The following POGLUT3 variants were observed in gnomAD, a reference collection of about 807,000 sequenced individuals.
POGLUT3 encodes protein O-glucosyltransferase 3.
POGLUT3 carries 48 observed loss-of-function variants against 54.3 expected under a neutral mutation model. That is an observed-to-expected ratio of 0.88 (90% CI 0.70 to 1.12). The LOEUF (loss-of-function observed/expected upper bound fraction) is 1.12, where lower values mean the gene tolerates loss of function less well. POGLUT3 is among the 50% of genes most tolerant of loss of function. The probability of loss-of-function intolerance (pLI) is 0.00; values close to 1 mark genes in which losing one functional copy is unlikely to be tolerated. For synonymous variants in POGLUT3, 218 were observed against 237.4 expected, an observed-to-expected ratio of 0.92 and a Z score of 0.75; for missense variants, 629 against 618.7, an observed-to-expected ratio of 1.02 and a Z score of -0.18.
intron 7 of POGLUT3, among the ~76,000 whole-genome samples, chr11:108,476,952 G>GA (rs1350568996): frequency 6.6e-6 from 1 of 152,048 alleles, no homozygotes; most frequent in African/African-American, 2.4e-5. Context: ...TTCCAAATAA[G>GA]AAAAAATGTT....
chr11:108,476,948 A>G (rs747548142), intron 7 of POGLUT3, among the ~76,000 whole-genome samples: 1 of 152,190 alleles, frequency 6.6e-6, no homozygotes, highest in Non-Finnish European at 1.5e-5. Context: ...TGTTTTCCAA[A>G]TAAGAAAAAA....
intron 3 of POGLUT3, among the ~76,000 whole-genome samples, chr11:108,485,636 T>TTTTATTTATTTA (rs34832849): frequency 0.014 from 1,960 of 140,382 alleles, 17 homozygotes; most frequent in South Asian, 0.024. Flanking sequence ...CTTTATTCTA[T>TTTTATTTATTTA]TTTATTTATT....
intron 1 of POGLUT3, among the ~76,000 whole-genome samples, chr11:108,493,070 A>C (rs982088587): frequency 6.6e-6 from 1 of 152,210 alleles, no homozygotes; most frequent in African/African-American, 2.4e-5. Context: ...TAAACAAAAC[A>C]GTTATAAGAC....
chr11:108,474,939 C>CG lies in POGLUT3; in HGVS notation c.1411dup (p.Arg471ProfsTer10). On this transcript the variant is annotated frameshift_variant, in exon 8 of 8. Coordinates refer to ENST00000323468, the MANE Select transcript of POGLUT3 (RefSeq NM_153705.5). LOFTEE classifies it high-confidence loss of function. The stretch of plus-strand genomic sequence containing the variant: ...ACGTACTTCGGGTTTGCTGGACTGG[C>CG]GCTCGGCATATTTCTGAAACGTGGG... The CG allele has an allele frequency of 6.2e-7, 1 of 1,613,884 alleles. No individual in the cohort carries two copies. The highest frequency in any genetic ancestry group is 8.5e-7 in the Non-Finnish European group (1 of 1,179,900).
In POGLUT3 at chr11:108,474,664, G is replaced by C; in HGVS notation, c.*163C>G. 4.9e-6 allele frequency: 3 copies of C among 610,342 alleles called. No homozygotes were observed. Among genetic ancestry groups the C allele is most frequent in the Non-Finnish European group, 8.0e-6 (3 of 375,492 alleles). The allele number at this position is 610,342 out of a possible 1,614,324, so 37.8% of individuals were successfully genotyped here. A position where few individuals can be genotyped will look rare whatever the true frequency, so the allele number is the denominator to read the frequency against. Reference sequence around the variant, plus strand: ...AACACTCCTGGTCCTAAGCATTTCAGATGAGGGATACTCAACCAGTACTGC... The same window carrying C: ...AACACTCCTGGTCCTAAGCATTTCACATGAGGGATACTCAACCAGTACTGC... On this transcript the variant is annotated 3_prime_UTR_variant, in exon 8 of 8. Transcript: ENST00000323468.
chr11:108,491,691 G>A (rs976871777), intron 1 of POGLUT3, among the ~76,000 whole-genome samples: 7 of 152,064 alleles, frequency 4.6e-5, no homozygotes, highest in African/African-American at 1.4e-4. Context: ...GCTTGGTCTG[G>A]TTCATGTATT....
At chr11:108,475,067 G>T in intron 7 of POGLUT3, 115 bp from the exon 8 acceptor site, 1 of 1,081,858 alleles carries the variant, frequency 9.2e-7, no homozygotes, top group Non-Finnish European at 1.4e-6. Context: ...TGTGTCTGCA[G>T]ACTAAAACCA....
Position 108,491,136 on chromosome 11 carries a change from A to T in POGLUT3, c.234T>A (p.Ser78=). Residue 78 remains serine, a synonymous_variant, in exon 2 of 8, where the codon TCT becomes TCA. Transcript: ENST00000323468. ...TCCGGACCAACTCTTTAGGTGAAAGAGATTTGACTACGACTTTGAATGGTG... is the reference window on the plus strand; with the variant it reads ...TCCGGACCAACTCTTTAGGTGAAAGTGATTTGACTACGACTTTGAATGGTG... The part of the protein sequence containing the change: ...GETPFKVVVK[S]LSPKELVRIH... 6.2e-7 allele frequency: 1 copy of T among 1,612,260 alleles called. No individual in the cohort carries two copies. The highest frequency in any genetic ancestry group is 1.7e-5 in the Admixed American group (1 of 59,980).
chr11:108,486,048 C>T (rs963239665), intron 3 of POGLUT3, 109 bp downstream of exon 3: 2 of 838,788 alleles, frequency 2.4e-6, no homozygotes, highest in African/African-American at 1.7e-5. Context: ...ATCTTAGATG[C>T]CCATTTCTCA....
intron 2 of POGLUT3, among the ~76,000 whole-genome samples, chr11:108,488,821 C>G (rs2135859703): frequency 6.6e-6 from 1 of 152,042 alleles, no homozygotes; most frequent in East Asian, 1.9e-4. Flanking sequence ...TTGGGGAAGA[C>G]AGGGGAAGAA....
intron 2 of POGLUT3, among the ~76,000 whole-genome samples, chr11:108,487,621 T>C (rs1419863429): frequency 1.3e-5 from 2 of 151,934 alleles, no homozygotes. Context: ...GGGGACAGAG[T>C]CTCACACTGG....
At chr11:108,494,973 C>T (rs2093619658) in intron 1 of POGLUT3, among the ~76,000 whole-genome samples, 1 of 152,118 alleles carries the variant, frequency 6.6e-6, no homozygotes, top group Non-Finnish European at 1.5e-5. Flanking sequence ...AGTTCTTCCC[C>T]CCACCCAAGG....
In POGLUT3 at chr11:108,479,312, T is replaced by A; in HGVS notation, c.1282A>T (p.Lys428Ter). Residue 428 changes from lysine to a stop codon, truncating the protein, a stop_gained, in exon 6 of 8, where the codon AAA becomes TAA. Coordinates refer to ENST00000323468, the MANE Select transcript of POGLUT3 (RefSeq NM_153705.5). LOFTEE classifies it high-confidence loss of function. ...RNLSDLLEKV[K>*]WAKENDEEAK... Reference sequence around the variant, plus strand: ...TGCTGGACGCATACCTTAGCCCATTTAACTTTCTCTAATAAATCACTCAGA... The same window carrying A: ...TGCTGGACGCATACCTTAGCCCATTAAACTTTCTCTAATAAATCACTCAGA... 1 of 1,609,076 alleles carries A rather than the reference T, an allele frequency of 6.2e-7. No homozygotes were observed. The highest frequency in any genetic ancestry group is 8.5e-7 in the Non-Finnish European group (1 of 1,178,870).
At position 108,482,204 on chromosome 11, in the gene POGLUT3, C is replaced by A; in HGVS notation, c.703G>T (p.Glu235Ter). 6.2e-7 allele frequency: 1 copy of A among 1,613,534 alleles called. No individual in the cohort carries two copies. The highest frequency in any genetic ancestry group is 1.1e-5 in the South Asian group (1 of 91,032). Reference sequence around the variant, plus strand: ...CAATCTCCAAGATTAACATAAAATTCTAAATCTGGGAGAAGGACCTAAATA... The same window carrying A: ...CAATCTCCAAGATTAACATAAAATTATAAATCTGGGAGAAGGACCTAAATA... ...LTRKVLLPDLEFYVNLGDWPL... is the reference protein window; with the variant it reads ...LTRKVLLPDL The change falls in exon 4 of 8, where the codon GAA becomes TAA. Residue 235 changes from glutamate (E) to a stop codon, truncating the protein, a stop_gained. Coordinates refer to ENST00000323468, the MANE Select transcript of POGLUT3 (RefSeq NM_153705.5). LOFTEE classifies it high-confidence loss of function.
In POGLUT3 at chr11:108,498,292, C is replaced by T. The variant is rs779694251; in HGVS notation, c.75G>A (p.Val25=). 4.0e-5 allele frequency: 59 copies of T among 1,475,442 alleles called. No individual in the cohort carries two copies. Among genetic ancestry groups the T allele is most frequent in the Non-Finnish European group, 5.3e-5 (59 of 1,111,398 alleles). 91.4% of individuals were successfully genotyped at this position (1,475,442 alleles called of 1,614,324 possible). A position where few individuals can be genotyped will look rare whatever the true frequency, so the allele number is the denominator to read the frequency against. Residue 25 remains valine (V), a synonymous_variant, in exon 1 of 8, where the codon GTG becomes GTA. Transcript: ENST00000323468. ...CCAGGCTCCGCGGCGCGCTGACCAGCACCTCCGGGGCCCCCGCGGCCACCA... is the reference window on the plus strand; with the variant it reads ...CCAGGCTCCGCGGCGCGCTGACCAGTACCTCCGGGGCCCCCGCGGCCACCA... The part of the protein sequence containing the change: ...ALLVAAGAPE[V]LVSAPRSLVW...
chr11:108,484,457 T>C (rs1053984219), intron 3 of POGLUT3, among the ~76,000 whole-genome samples: 2 of 152,114 alleles, frequency 1.3e-5, no homozygotes, highest in Non-Finnish European at 2.9e-5. Context: ...TCAGGAAAAC[T>C]GTGTTTTTTT....
At chr11:108,489,309 G>A (rs2093609032) in intron 2 of POGLUT3, among the ~76,000 whole-genome samples, 1 of 152,104 alleles carries the variant, frequency 6.6e-6, no homozygotes, top group Non-Finnish European at 1.5e-5. Context: ...CATATTTGAA[G>A]CAATAATGGC....
chr11:108,495,803 T>A (rs1473446347), intron 1 of POGLUT3, among the ~76,000 whole-genome samples: 1 of 152,064 alleles, frequency 6.6e-6, no homozygotes, highest in Non-Finnish European at 1.5e-5. Flanking sequence ...ATTTTTAAAA[T>A]TTTTATTTTA....
At chr11:108,475,744 C>G in intron 7 of POGLUT3, among the ~76,000 whole-genome samples, 1 of 152,122 alleles carries the variant, frequency 6.6e-6, no homozygotes. Context: ...GCTGGGACTA[C>G]AGGCATGAGC....
Sources: allele counts gnomAD v4.1 joint callset (sites outside exome capture counted in the v4.1 genomes callset), GRCh38; gene constraint gnomAD v4.1.1; transcripts MANE v1.5; gene names NCBI Gene and HGNC (gene_info 2026-07-23, HGNC 2026-07-21).